The following PLA2G4E variants were observed in gnomAD, a reference collection of about 807,000 sequenced individuals.
The protein encoded by PLA2G4E is phospholipase A2 group IVE.
A neutral mutation model predicts 109.1 loss-of-function variants in PLA2G4E; 84 were observed. The observed-to-expected ratio is 0.77, with a 90% confidence interval of 0.65 to 0.92. The LOEUF (loss-of-function observed/expected upper bound fraction) is 0.92. PLA2G4E is among the 40% of genes least tolerant of loss of function. The probability of loss-of-function intolerance (pLI) is 0.00; values close to 1 mark genes in which losing one functional copy is unlikely to be tolerated. For synonymous variants in PLA2G4E, 469 were observed against 436.1 expected (o/e 1.08, Z -0.94); for missense variants, 1,057 against 1,076.6 (o/e 0.98, Z 0.25).
chr15:42,025,387 T>A (rs1595573869), intron 1 of PLA2G4E, among the ~76,000 whole-genome samples: 1 of 152,074 alleles, frequency 6.6e-6, no homozygotes, highest in African/African-American at 2.4e-5. Context: ...GGAGAGTTTA[T>A]CAGAGGCTTG....
intron 12 of PLA2G4E, 133 bp downstream of exon 12, chr15:41,995,227 C>T: frequency 8.3e-7 from 1 of 1,200,422 alleles, no homozygotes. Flanking sequence ...CACACCACTG[C>T]ATGTGGGGCA....
chr15:42,003,950 C>T (rs552305529), intron 5 of PLA2G4E, among the ~76,000 whole-genome samples: 1 of 152,134 alleles, frequency 6.6e-6, no homozygotes, highest in Non-Finnish European at 1.5e-5. Context: ...TCCCTCCTTC[C>T]AGACCTCCAG....
intron 11 of PLA2G4E, among the ~76,000 whole-genome samples, chr15:41,996,323 G>A (rs1245619292): frequency 7.6e-6 from 1 of 132,226 alleles, no homozygotes; most frequent in Non-Finnish European, 1.5e-5. Context: ...ACTCCAGCCT[G>A]GGTGACAGAG....
At position 41,984,428 on chromosome 15, in the gene PLA2G4E, C is replaced by CA. The variant is rs1391441164; in HGVS notation, c.2386+7dup. ...AGGTGCTGGGAACTGAGCACAGAGG[C>CA]AGCTCACCTGGTGCCTTGTATTTTC... On this transcript the variant is annotated splice_region_variant and intron_variant, in intron 19 of 19. Coordinates refer to ENST00000399518, the Ensembl canonical transcript of PLA2G4E. The CA allele has an allele frequency of 2.7e-5, 43 of 1,607,284 alleles. No homozygotes were observed. Among genetic ancestry groups the CA allele is most frequent in the Non-Finnish European group, 3.5e-5 (41 of 1,175,968 alleles).
In PLA2G4E at chr15:42,001,267, C is replaced by G. The variant is rs1374656558; in HGVS notation, c.610-47G>C. On this transcript the variant is annotated intron_variant, in intron 6 of 19. Transcript: ENST00000399518. ...CACAGAGTGTCTGAGCACCAGCCAC[C>G]TCCTTGCTCTTCCAGGCTGAAGGGA... 3 of 1,521,004 alleles carry G rather than the reference C, an allele frequency of 2.0e-6. No homozygotes were observed. The Admixed American group carries it at 5.0e-5, about 25-fold the overall frequency. The allele number at this position is 1,521,004 out of a possible 1,614,324, so 94.2% of individuals were successfully genotyped here.
At chr15:42,036,662 T>C (rs1446900640) in intron 1 of PLA2G4E, among the ~76,000 whole-genome samples, 2 of 152,062 alleles carry the variant, frequency 1.3e-5, no homozygotes, top group Non-Finnish European at 2.9e-5. Context: ...AGAAGGGAGC[T>C]CATAGCCGTG....
At chr15:42,027,607 G>A (rs962113650) in intron 1 of PLA2G4E, among the ~76,000 whole-genome samples, 8 of 152,174 alleles carry the variant, frequency 5.3e-5, no homozygotes, top group African/African-American at 1.4e-4. Flanking sequence ...GCGAGATTAC[G>A]TGACTGGCCG....
chr15:41,990,659 C>T (rs1056824743), intron 13 of PLA2G4E, among the ~76,000 whole-genome samples: 2 of 151,794 alleles, frequency 1.3e-5, no homozygotes, highest in Admixed American at 1.3e-4. Context: ...GCTCCCTCAA[C>T]TGAGGGGTAA....
intron 2 of PLA2G4E, 49 bp from the exon 3 acceptor site, chr15:42,007,914 T>C (rs1595567108): frequency 6.4e-7 from 1 of 1,558,094 alleles, no homozygotes. Flanking sequence ...AGAGAACATG[T>C]GGAGTCAAAA....
At chr15:42,002,050 C>T (rs961862507) in intron 6 of PLA2G4E, among the ~76,000 whole-genome samples, 3 of 152,216 alleles carry the variant, frequency 2.0e-5, no homozygotes, top group African/African-American at 7.2e-5. Flanking sequence ...TAGCTCACAC[C>T]TGTAATCCCA....
At chr15:42,037,102 G>A (rs1489016536) in intron 1 of PLA2G4E, among the ~76,000 whole-genome samples, 1 of 152,348 alleles carries the variant, frequency 6.6e-6, no homozygotes, top group Admixed American at 6.5e-5. Flanking sequence ...CAAGGTGGGG[G>A]ACTGAGGGCA....
chr15:42,004,912 G>A (rs750968087), intron 5 of PLA2G4E, 26 bp downstream of exon 5: 1 of 1,598,630 alleles, frequency 6.3e-7, no homozygotes, highest in Admixed American at 1.7e-5. Flanking sequence ...GGACCTTGGT[G>A]GGCCCCGGGG....
intron 1 of PLA2G4E, among the ~76,000 whole-genome samples, chr15:42,033,685 C>G (rs1437291417): frequency 2.0e-5 from 3 of 152,136 alleles, no homozygotes; most frequent in Non-Finnish European, 4.4e-5. Flanking sequence ...TGATCAAGCA[C>G]CAAAGGCAGA....
intron 10 of PLA2G4E, chr15:41,998,856 C>T (rs926695360): frequency 6.6e-6 from 1 of 152,214 alleles, no homozygotes; most frequent in Non-Finnish European, 1.5e-5. Context: ...GAGTTCGAGA[C>T]CAGCTGGCCA....
intron 1 of PLA2G4E, among the ~76,000 whole-genome samples, 84 bp from the exon 1 acceptor site, chr15:42,021,126 C>T (rs949801242): frequency 6.6e-6 from 1 of 151,870 alleles, no homozygotes; most frequent in Non-Finnish European, 1.5e-5. Flanking sequence ...GCTGGGATTG[C>T]TCTGGGAGTG....
chr15:42,005,333 C>T (rs558000571), intron 4 of PLA2G4E, among the ~76,000 whole-genome samples: 9 of 152,346 alleles, frequency 5.9e-5, no homozygotes, highest in South Asian at 2.1e-4. Flanking sequence ...TGAGATACGC[C>T]TTCAGAAAGC....
rs766195120 is a variant in PLA2G4E at position 42,002,708 on chromosome 15, AAGG to A, written c.567-15_567-13del. 1.2e-5 allele frequency: 19 copies of A among 1,571,422 alleles called. No individual in the cohort carries two copies. The highest frequency in any genetic ancestry group is 1.5e-5 in the Non-Finnish European group (17 of 1,157,654). On this transcript the variant is annotated splice_polypyrimidine_tract_variant and intron_variant, in intron 5 of 19. Coordinates refer to ENST00000399518, the Ensembl canonical transcript of PLA2G4E. ...CAGGTGGAGAGGGACTGAAAAACAA[AAGG>A]AGAACTCCTGGTCAATTCTAGCATT...
chr15:42,012,002 TTTGG>T (rs2068541153), intron 2 of PLA2G4E, among the ~76,000 whole-genome samples: 1 of 152,142 alleles, frequency 6.6e-6, no homozygotes, highest in Admixed American at 6.5e-5. Flanking sequence ...TCCCTGGCCC[TTTGG>T]TTGGCCACTT....
intron 2 of PLA2G4E, 25 bp downstream of exon 2, chr15:42,013,660 G>T (rs1278630886): frequency 1.3e-6 from 2 of 1,543,498 alleles, no homozygotes; most frequent in Non-Finnish European, 1.8e-6. Context: ...AAGCAGAGAA[G>T]GAGAGAAGTG....
Sources: gnomAD v4.1 joint callset for allele counts (sites outside exome capture counted in the v4.1 genomes callset) on GRCh38, gnomAD v4.1.1 for gene constraint, MANE v1.5 for transcripts, NCBI Gene and HGNC (gene_info 2026-07-23, HGNC 2026-07-21) for gene names.